The following ITPKB variants were observed in gnomAD, a reference collection of about 807,000 sequenced individuals.
ITPKB encodes the protein IP3 3-kinase B.
A neutral mutation model predicts 69.4 loss-of-function variants in ITPKB; 13 were observed. That is an observed-to-expected ratio of 0.19 (90% CI 0.12 to 0.30). The LOEUF (loss-of-function observed/expected upper bound fraction) is 0.30, where lower values mean the gene tolerates loss of function less well. ITPKB is among the 10% of genes least tolerant of loss of function. The probability of loss-of-function intolerance (pLI) is 1.00; values close to 1 mark genes in which losing one functional copy is unlikely to be tolerated. For missense variants in ITPKB, 1,240 were observed against 1,250.5 expected, an observed-to-expected ratio of 0.99 and a Z score of 0.13; for synonymous variants, 584 against 513.7, an observed-to-expected ratio of 1.14 and a Z score of -1.85.
chr1:226,652,594 C>G (rs1041484269), intron 2 of ITPKB, among the ~76,000 whole-genome samples: 1 of 152,236 alleles, frequency 6.6e-6, no homozygotes, highest in African/African-American at 2.4e-5. Flanking sequence ...CGTCCCAGGT[C>G]TCCAGCCTCT....
At chr1:226,691,062 G>A (rs1656337369) in intron 2 of ITPKB, among the ~76,000 whole-genome samples, 1 of 152,220 alleles carries the variant, frequency 6.6e-6, no homozygotes, top group African/African-American at 2.4e-5. Context: ...AGGGGCCTAG[G>A]AGAGAGGGGA....
intron 2 of ITPKB, among the ~76,000 whole-genome samples, chr1:226,699,728 A>G (rs1193040249): frequency 6.6e-6 from 1 of 152,208 alleles, no homozygotes; most frequent in Non-Finnish European, 1.5e-5. Flanking sequence ...CATTAATTAA[A>G]AAAGAAAGAA....
At chr1:226,644,165 GCGGGC>G (rs1669018171) in intron 4 of ITPKB, among the ~76,000 whole-genome samples, 1 of 152,266 alleles carries the variant, frequency 6.6e-6, no homozygotes, top group African/African-American at 2.4e-5. Flanking sequence ...GTGGCTCAAA[GCGGGC>G]AGTCACTCAC....
rs968352174 is a variant in ITPKB at position 226,671,569 on chromosome 1, GC to G, written c.1933-22799del. Among the ~76,000 whole-genome samples the G allele has an allele frequency of 1.2e-4, 18 of 152,320 alleles. No homozygotes were observed. The Middle Eastern group carries it at 0.02, about 173-fold the overall frequency. ...CAGCTTACATTCTAAGTGGGGACAG[GC>G]AGATGATAAACAAATAAAGACATAT... On this transcript the variant is annotated intron_variant, in intron 2 of 7. Transcript: ENST00000429204.
chr1:226,729,475 C>T (rs1432716291), intron 2 of ITPKB, among the ~76,000 whole-genome samples: 2 of 133,798 alleles, frequency 1.5e-5, no homozygotes, highest in Non-Finnish European at 3.2e-5. Flanking sequence ...GAGCGAGACT[C>T]CACCTCAAAA....
chr1:226,725,027 C>A (rs1657365191), intron 2 of ITPKB, among the ~76,000 whole-genome samples: 1 of 150,786 alleles, frequency 6.6e-6, no homozygotes, highest in Non-Finnish European at 1.5e-5. Flanking sequence ...AGGCTGTTGC[C>A]CAAATCCAGT....
rs953470981 is a variant in ITPKB at position 226,642,194 on chromosome 1, C to G, written c.2247-69G>C. The G allele has an allele frequency of 3.8e-6, 5 of 1,312,408 alleles. No homozygotes were observed. The highest frequency in any genetic ancestry group is 1.5e-5 in the African/African-American group (1 of 68,702). The allele number at this position is 1,312,408 out of a possible 1,614,324, so 81.3% of individuals were successfully genotyped here. A position where few individuals can be genotyped will look rare whatever the true frequency, so the allele number is the denominator to read the frequency against. On this transcript the variant is annotated intron_variant, in intron 4 of 7. Coordinates refer to ENST00000429204, the MANE Select transcript of ITPKB (RefSeq NM_002221.4). The surrounding 1 kb of genome is among the most constrained non-coding windows in gnomAD (Gnocchi z 6.4). ...GGGCTCACCAGCAGCTCCTTTCCTG[C>G]CTGGTGGATGAAGGTTTGGGGCGTG...
At chr1:226,714,931 G>T (rs150745986) in intron 2 of ITPKB, among the ~76,000 whole-genome samples, 1 of 152,222 alleles carries the variant, frequency 6.6e-6, no homozygotes. Flanking sequence ...TGTCACAAAT[G>T]GGGGGAGGTG....
chr1:226,651,799 TG>T (rs1328698545), intron 2 of ITPKB, among the ~76,000 whole-genome samples: 1 of 152,038 alleles, frequency 6.6e-6, no homozygotes, highest in Admixed American at 6.5e-5. Context: ...TGCTCCAGGG[TG>T]GGGGTCTTCT....
chr1:226,652,012 A>G (rs1669204522), intron 2 of ITPKB, among the ~76,000 whole-genome samples: 1 of 152,208 alleles, frequency 6.6e-6, no homozygotes, highest in South Asian at 2.1e-4. Context: ...CACTTGTGAG[A>G]ATGCCATGCA....
rs1657764446 is a variant in ITPKB, at chr1:226,736,392, G to A, written c.1067C>T (p.Pro356Leu). ...GCGGGGCCCGCCCCTTTCTGGGGCT[G>A]GGCTTGTCTCACTGCCCAGAAACTG... is the stretch of plus-strand genomic sequence containing the variant. ...QGQFLGSETS[P>L]APERGGPRDG... The change falls in exon 2 of 8, where the codon CCA becomes CTA. Residue 356 changes from proline (P) to leucine (L), a missense_variant. Transcript: ENST00000429204. The A allele has an allele frequency of 6.2e-7, 1 of 1,612,410 alleles. No homozygotes were observed. The highest frequency in any genetic ancestry group is 1.3e-5 in the African/African-American group (1 of 74,948).
At chr1:226,671,529 TC>T (rs966042609) in intron 2 of ITPKB, among the ~76,000 whole-genome samples, 1 of 152,196 alleles carries the variant, frequency 6.6e-6, no homozygotes, top group African/African-American at 2.4e-5. Flanking sequence ...CACAACGAAG[TC>T]CCTATCCTTA....
At chr1:226,705,884 C>A (rs1051030374) in intron 2 of ITPKB, among the ~76,000 whole-genome samples, 9 of 152,242 alleles carry the variant, frequency 5.9e-5, no homozygotes, top group Non-Finnish European at 1.3e-4. Flanking sequence ...GGGAACCATG[C>A]AAGCCCAGAG....
At chr1:226,680,918 C>T (rs1656077692) in intron 2 of ITPKB, among the ~76,000 whole-genome samples, 1 of 152,178 alleles carries the variant, frequency 6.6e-6, no homozygotes, top group South Asian at 2.1e-4. Flanking sequence ...CCTGTGACTA[C>T]CCTAAGTGGA....
intron 2 of ITPKB, among the ~76,000 whole-genome samples, chr1:226,667,576 C>A (rs1669527657): frequency 6.6e-6 from 1 of 152,126 alleles, no homozygotes; most frequent in African/African-American, 2.4e-5. Context: ...GAACCAGGAC[C>A]CAGGCAGGTA....
intron 7 of ITPKB, among the ~76,000 whole-genome samples, chr1:226,636,795 A>T (rs1695806): frequency 0.28 from 31,332 of 113,806 alleles, 3,646 homozygotes; most frequent in African/African-American, 0.47. Flanking sequence ...TGTGTGTGTG[A>T]GACTGGGAAA....
intron 2 of ITPKB, among the ~76,000 whole-genome samples, chr1:226,674,616 G>A (rs1669689792): frequency 6.6e-6 from 1 of 152,066 alleles, no homozygotes; most frequent in African/African-American, 2.4e-5. Flanking sequence ...TTAAAGGAGT[G>A]AGCCACCACA....
chr1:226,693,343 G>T (rs1182507853), intron 2 of ITPKB, among the ~76,000 whole-genome samples: 1 of 152,194 alleles, frequency 6.6e-6, no homozygotes, highest in Admixed American at 6.5e-5. Context: ...GCTGTCGAGC[G>T]ATGATGGGCA....
At chr1:226,677,682 A>G (rs1433690461) in intron 2 of ITPKB, among the ~76,000 whole-genome samples, 1 of 152,244 alleles carries the variant, frequency 6.6e-6, no homozygotes, top group African/African-American at 2.4e-5. Flanking sequence ...AGAGAAACTG[A>G]CGGGAAAGGT....
Sources: gnomAD v4.1 joint callset for allele counts (sites outside exome capture counted in the v4.1 genomes callset) on GRCh38, gnomAD v4.1.1 for gene constraint, Gnocchi (gnomAD v3.1) non-coding constraint, MANE v1.5 for transcripts, NCBI Gene and HGNC (gene_info 2026-07-23, HGNC 2026-07-21) for gene names.